CCDC178: variants seen among roughly 807,000 people sequenced by gnomAD.
CCDC178 encodes coiled-coil domain containing 178, also known as coiled-coil domain-containing protein 178.
Under a neutral mutation model 117.4 loss-of-function variants are expected in CCDC178, and 126 were observed. The ratio of observed to expected loss-of-function variants is 1.07; its 90% CI spans 0.93 to 1.24. The LOEUF is 1.24. CCDC178 is among the 50% of genes most tolerant of loss of function. The pLI is 0.00. For missense variants in CCDC178, 1,030 were observed against 986.9 expected (o/e 1.04, Z -0.59); for synonymous variants, 283 against 313.4 (o/e 0.90, Z 1.02).
At chr18:33,098,130 C>A (rs2057570175) in intron 20 of CCDC178, among the ~76,000 whole-genome samples, 2 of 151,850 alleles carry the variant, frequency 1.3e-5, no homozygotes, top group African/African-American at 4.8e-5. Flanking sequence ...CAAAGGTGGA[C>A]TAATGCCAAA....
At chr18:33,085,145 C>T (rs2057360135) in intron 21 of CCDC178, among the ~76,000 whole-genome samples, 1 of 152,120 alleles carries the variant, frequency 6.6e-6, no homozygotes, top group Non-Finnish European at 1.5e-5. Context: ...CATATAATCA[C>T]ACTACAATTT....
intron 11 of CCDC178, among the ~76,000 whole-genome samples, chr18:33,293,885 G>A (rs2062070494): frequency 6.6e-6 from 1 of 151,936 alleles, no homozygotes; most frequent in African/African-American, 2.4e-5. Flanking sequence ...CAAATAAACT[G>A]TCTTTGAATC....
chr18:32,967,201 T>C (rs1272953900), intron 22 of CCDC178, among the ~76,000 whole-genome samples: 1 of 151,740 alleles, frequency 6.6e-6, no homozygotes, highest in Non-Finnish European at 1.5e-5. Flanking sequence ...TGAATCTCTT[T>C]GCAATTGAAT....
Position 33,212,944 on chromosome 18 carries a change from T to C in CCDC178, c.2079-889A>G, listed in dbSNP as rs562714988. On this transcript the variant is annotated intron_variant, in intron 19 of 22. Coordinates refer to ENST00000383096, the MANE Select transcript of CCDC178 (RefSeq NM_001105528.4). ...TCTGAAAAAGCTCAACACAGTCTTA[T>C]TCTATCCACATTAGTTAACAAGTCT... 5.9e-5 allele frequency among the ~76,000 whole-genome samples: 9 copies of C among 152,120 alleles called. No homozygotes were observed. The South Asian group carries it at 8.3e-4, about 14-fold the overall frequency.
At chr18:33,150,629 A>T (rs2058330382) in intron 20 of CCDC178, among the ~76,000 whole-genome samples, 1 of 152,198 alleles carries the variant, frequency 6.6e-6, no homozygotes, top group Non-Finnish European at 1.5e-5. Context: ...AAAATGTTCA[A>T]CATCACGAGA....
intron 14 of CCDC178, among the ~76,000 whole-genome samples, chr18:33,259,766 A>G (rs2059720389): frequency 6.6e-6 from 1 of 151,972 alleles, no homozygotes; most frequent in African/African-American, 2.4e-5. Context: ...ATAATTATGT[A>G]TTTTCTTGGG....
intron 6 of CCDC178, among the ~76,000 whole-genome samples, chr18:33,369,396 T>C (rs2063265812): frequency 2.6e-5 from 4 of 151,640 alleles, no homozygotes; most frequent in Middle Eastern, 6.8e-3. Flanking sequence ...CCAGTAACAG[T>C]GGAGAGAAAA....
chr18:33,250,844 T>C (rs2059612257), intron 14 of CCDC178, among the ~76,000 whole-genome samples: 1 of 150,786 alleles, frequency 6.6e-6, no homozygotes, highest in Non-Finnish European at 1.5e-5. Flanking sequence ...CACACACACA[T>C]AGCTACAAAC....
intron 4 of CCDC178, among the ~76,000 whole-genome samples, chr18:33,394,133 AATTAT>A (rs2063599421): frequency 6.6e-6 from 1 of 151,980 alleles, no homozygotes; most frequent in South Asian, 2.1e-4. Context: ...ATACAACTAG[AATTAT>A]ATTACATTAC....
intron 20 of CCDC178, among the ~76,000 whole-genome samples, chr18:33,114,068 T>C (rs1372937269): frequency 1.3e-5 from 2 of 152,008 alleles, no homozygotes; most frequent in African/African-American, 4.8e-5. Flanking sequence ...TGGACTATCA[T>C]AGGAGATTGA....
At chr18:33,124,437 T>A (rs1237286235) in intron 20 of CCDC178, among the ~76,000 whole-genome samples, 1 of 152,174 alleles carries the variant, frequency 6.6e-6, no homozygotes, top group African/African-American at 2.4e-5. Flanking sequence ...TCTTTACTTG[T>A]TATTTCAGTG....
chr18:33,053,203 G>T (rs1045372807), intron 21 of CCDC178, among the ~76,000 whole-genome samples: 1 of 151,912 alleles, frequency 6.6e-6, no homozygotes, highest in East Asian at 1.9e-4. Flanking sequence ...CACAAGCTTC[G>T]ATCCATAAAA....
At chr18:33,173,532 G>A (rs1295863004) in intron 20 of CCDC178, among the ~76,000 whole-genome samples, 1 of 152,138 alleles carries the variant, frequency 6.6e-6, no homozygotes, top group African/African-American at 2.4e-5. Context: ...TCCTCTCTTA[G>A]GGCTCTTGTT....
At chr18:33,072,851 C>T (rs933668611) in intron 21 of CCDC178, among the ~76,000 whole-genome samples, 2 of 152,116 alleles carry the variant, frequency 1.3e-5, no homozygotes, top group Non-Finnish European at 2.9e-5. Context: ...AAGTGATCTA[C>T]CCATCTTGGC....
chr18:33,288,451 C>G (rs940940676), intron 12 of CCDC178, among the ~76,000 whole-genome samples: 2 of 129,212 alleles, frequency 1.5e-5, no homozygotes, highest in Admixed American at 7.9e-5. Flanking sequence ...TCCTTCCTTC[C>G]TTTTCTTCCC....
intron 21 of CCDC178, among the ~76,000 whole-genome samples, chr18:33,063,225 C>T (rs2095138438): frequency 6.6e-6 from 1 of 152,122 alleles, no homozygotes; most frequent in Non-Finnish European, 1.5e-5. Flanking sequence ...CCAGTGCCAA[C>T]ACATACCTGC....
At chr18:33,136,254 C>T (rs1349615190) in intron 20 of CCDC178, among the ~76,000 whole-genome samples, 1 of 152,106 alleles carries the variant, frequency 6.6e-6, no homozygotes, top group Non-Finnish European at 1.5e-5. Context: ...GACATGTTCC[C>T]TTTCTCCCCA....
intron 14 of CCDC178, 85 bp from the exon 15 acceptor site, chr18:33,245,513 A>G: frequency 1.6e-6 from 2 of 1,236,268 alleles, no homozygotes; most frequent in South Asian, 2.4e-5. Context: ...ATAAGATCAT[A>G]TTTTATGTTG....
chr18:33,035,780 G>T (rs1598812368), intron 21 of CCDC178, among the ~76,000 whole-genome samples: 1 of 151,858 alleles, frequency 6.6e-6, no homozygotes, highest in African/African-American at 2.4e-5. Context: ...TCATCACATT[G>T]TATACCTTGA....
Sources: allele counts gnomAD v4.1 joint callset (sites outside exome capture counted in the v4.1 genomes callset), GRCh38; gene constraint gnomAD v4.1.1; transcripts MANE v1.5; gene names NCBI Gene and HGNC (gene_info 2026-07-23, HGNC 2026-07-21).